Variants in ZZZ3 observed in about 807,000 individuals in gnomAD.
ZZZ3 encodes the protein ZZ-type zinc finger-containing protein 3.
Under a neutral mutation model 95.2 loss-of-function variants are expected in ZZZ3, and 22 were observed. The ratio of observed to expected loss-of-function variants is 0.23; its 90% CI spans 0.17 to 0.33. The LOEUF is 0.33. Ranked by LOEUF, ZZZ3 falls within the 10% of genes least tolerant of loss-of-function variation. ZZZ3 has a pLI of 1.00. For missense variants in ZZZ3, 885 were observed against 1,066.5 expected, an observed-to-expected ratio of 0.83 and a Z score of 2.37; for synonymous variants, 335 against 358.9, an observed-to-expected ratio of 0.93 and a Z score of 0.75.
intron 4 of ZZZ3, among the ~76,000 whole-genome samples, chr1:77,634,058 T>A (rs1262147760): frequency 6.6e-6 from 1 of 151,856 alleles, no homozygotes; most frequent in Admixed American, 6.6e-5. Flanking sequence ...TAATCCCAGA[T>A]ACTCAGGAGG....
In ZZZ3 at chr1:77,669,454, G is replaced by GTT. The variant is rs11432486; in HGVS notation, c.-403+13129_-403+13130dup. Among the ~76,000 whole-genome samples, 242 of 131,292 alleles carry GTT rather than the reference G, an allele frequency of 1.8e-3. 2 individuals carry two copies. The highest frequency in any genetic ancestry group is 4.2e-3 in the African/African-American group (147 of 34,854). The allele number at this position is 131,292 out of a possible 152,430, so 86.1% of individuals were successfully genotyped here. A position where few individuals can be genotyped will look rare whatever the true frequency, so the allele number is the denominator to read the frequency against. ...GAATACCATTAAACTTTCTTTCTCA[G>GTT]TTTTTTTTTTTTTTTTTTTTGAGAT... is the stretch of plus-strand genomic sequence containing the variant. On this transcript the variant is annotated intron_variant, in intron 1 of 14. Coordinates refer to ENST00000370801, the MANE Select transcript of ZZZ3 (RefSeq NM_015534.6).
intron 12 of ZZZ3, among the ~76,000 whole-genome samples, chr1:77,571,849 T>C (rs1338506666): frequency 2.6e-5 from 4 of 152,198 alleles, no homozygotes; most frequent in East Asian, 1.9e-4. Context: ...TGGAAACCGG[T>C]TGCACAATAA....
At chr1:77,594,694 A>C (rs1222575656) in intron 5 of ZZZ3, among the ~76,000 whole-genome samples, 1 of 151,976 alleles carries the variant, frequency 6.6e-6, no homozygotes, top group Non-Finnish European at 1.5e-5. Context: ...TCAACACTTA[A>C]CACTTAAATG....
At chr1:77,570,126 A>G (rs1570389865) in intron 12 of ZZZ3, among the ~76,000 whole-genome samples, 1 of 152,158 alleles carries the variant, frequency 6.6e-6, no homozygotes, top group Admixed American at 6.5e-5. Context: ...TTTTTGAGAC[A>G]GAGTTTCACT....
intron 5 of ZZZ3, among the ~76,000 whole-genome samples, chr1:77,631,312 C>T (rs892705205): frequency 2.6e-5 from 4 of 152,126 alleles, no homozygotes; most frequent in Admixed American, 1.3e-4. Context: ...TTACAATATA[C>T]TGTCATAGTG....
intron 1 of ZZZ3, among the ~76,000 whole-genome samples, chr1:77,680,118 C>T (rs987150781): frequency 1.3e-5 from 2 of 152,190 alleles, no homozygotes; most frequent in African/African-American, 2.4e-5. Flanking sequence ...ATAAAACGTA[C>T]TTAACAAATG....
intron 1 of ZZZ3, among the ~76,000 whole-genome samples, chr1:77,679,118 T>C (rs1361615855): frequency 2.0e-5 from 3 of 152,128 alleles, no homozygotes; most frequent in Non-Finnish European, 4.4e-5. Flanking sequence ...ACTTTGGACT[T>C]TGGGAAATAT....
chr1:77,671,567 C>G (rs183411088), intron 1 of ZZZ3, among the ~76,000 whole-genome samples: 2 of 152,080 alleles, frequency 1.3e-5, no homozygotes, highest in African/African-American at 4.8e-5. Flanking sequence ...TGTGTGACAC[C>G]GAGCAAGATA....
intron 5 of ZZZ3, among the ~76,000 whole-genome samples, chr1:77,622,230 C>T (rs927101040): frequency 6.6e-6 from 1 of 151,614 alleles, no homozygotes; most frequent in Admixed American, 6.6e-5. Context: ...TTGCTTGAGC[C>T]GGAGGGGCTG....
chr1:77,599,969 G>T (rs568852075), intron 5 of ZZZ3, among the ~76,000 whole-genome samples: 2 of 151,762 alleles, frequency 1.3e-5, no homozygotes, highest in African/African-American at 2.4e-5. Flanking sequence ...ATTTTCTTTT[G>T]CATGAAAGGT....
intron 5 of ZZZ3, chr1:77,614,836 T>A (rs1001314586): frequency 6.6e-6 from 1 of 152,198 alleles, no homozygotes; most frequent in Non-Finnish European, 1.5e-5. Flanking sequence ...CTATTTCTAA[T>A]ATTAATGAAG....
intron 12 of ZZZ3, among the ~76,000 whole-genome samples, chr1:77,570,217 C>G (rs1326798779): frequency 2.6e-5 from 4 of 152,184 alleles, no homozygotes; most frequent in African/African-American, 9.7e-5. Flanking sequence ...ATTCTCCTGC[C>G]CCAGCCTCCC....
At chr1:77,575,994 G>A in intron 12 of ZZZ3, 74 bp downstream of exon 12, 1 of 1,194,064 alleles carries the variant, frequency 8.4e-7, no homozygotes, top group Non-Finnish European at 1.1e-6. Context: ...ATTCTCTGAA[G>A]AGTGGAAATA....
In ZZZ3 at chr1:77,565,538, A is replaced by G; in HGVS notation, c.*102T>C. The G allele has an allele frequency of 7.5e-7, 1 of 1,325,608 alleles. No homozygotes were observed. 82.1% of individuals were successfully genotyped at this position (1,325,608 alleles called of 1,614,324 possible). A position where few individuals can be genotyped will look rare whatever the true frequency, so the allele number is the denominator to read the frequency against. On this transcript the variant is annotated 3_prime_UTR_variant, in exon 15 of 15. Transcript: ENST00000370801. Reference sequence around the variant, plus strand: ...AGGAAGCTCTCATGCTGTGAGTGTCATTTCTGGGAAAGCAGAGAATCTTTC... The same window carrying G: ...AGGAAGCTCTCATGCTGTGAGTGTCGTTTCTGGGAAAGCAGAGAATCTTTC...
intron 1 of ZZZ3, among the ~76,000 whole-genome samples, chr1:77,646,272 C>T (rs537763035): frequency 6.1e-4 from 92 of 152,022 alleles, no homozygotes; most frequent in Non-Finnish European, 8.7e-4. Context: ...CAGGCTGGAG[C>T]GTAGTGGCTC....
intron 1 of ZZZ3, among the ~76,000 whole-genome samples, chr1:77,642,743 C>A (rs182201024): frequency 6.6e-6 from 1 of 152,024 alleles, no homozygotes; most frequent in Non-Finnish European, 1.5e-5. Flanking sequence ...ACAGAGTAAA[C>A]CCTATCTCAA....
intron 5 of ZZZ3, among the ~76,000 whole-genome samples, chr1:77,611,727 A>G (rs1254423161): frequency 1.3e-5 from 2 of 152,048 alleles, no homozygotes; most frequent in Non-Finnish European, 2.9e-5. Flanking sequence ...AAAACACACA[A>G]TAAGGGACAG....
At chr1:77,611,243 AAAAAAAAC>A (rs1483934437) in intron 5 of ZZZ3, among the ~76,000 whole-genome samples, 1 of 149,106 alleles carries the variant, frequency 6.7e-6, no homozygotes, top group Non-Finnish European at 1.5e-5. Flanking sequence ...AAAAAAAAAA[AAAAAAAAC>A]AACCCACATG....
At chr1:77,615,367 G>A (rs753917338) in intron 5 of ZZZ3, among the ~76,000 whole-genome samples, 1 of 152,164 alleles carries the variant, frequency 6.6e-6, no homozygotes, top group Non-Finnish European at 1.5e-5. Context: ...GTATGACAAC[G>A]GTTAAAATCA....
Sources: allele counts gnomAD v4.1 joint callset (sites outside exome capture counted in the v4.1 genomes callset), GRCh38; gene constraint gnomAD v4.1.1; transcripts MANE v1.5; gene names NCBI Gene and HGNC (gene_info 2026-07-23, HGNC 2026-07-21).